The following DYSF variants were observed in gnomAD, a reference collection of about 807,000 sequenced individuals.
DYSF encodes dystrophy-associated fer-1-like 1.
In DYSF, 212 loss-of-function variants were observed where a neutral mutation model predicts 274.9. The observed-to-expected ratio is 0.77, with a 90% CI of 0.69 to 0.86. DYSF has a LOEUF of 0.86. DYSF is among the 40% of genes least tolerant of loss of function. The pLI, the probability that DYSF is intolerant of heterozygous loss-of-function variation, is 0.00. For synonymous variants in DYSF, 1,091 were observed against 1,078.7 expected (o/e 1.01, Z -0.22); for missense variants, 2,666 against 2,783.2 (o/e 0.96, Z 0.95).
intron 22 of DYSF, among the ~76,000 whole-genome samples, chr2:71,560,027 C>T (rs973504088): frequency 6.6e-6 from 1 of 152,344 alleles, no homozygotes; most frequent in East Asian, 1.9e-4. Context: ...CTGAGCCCTG[C>T]GCTGGGCCTA....
At chr2:71,632,909 C>T (rs1461217955) in intron 41 of DYSF, among the ~76,000 whole-genome samples, 1 of 152,208 alleles carries the variant, frequency 6.6e-6, no homozygotes, top group Non-Finnish European at 1.5e-5. Context: ...GGTCCCCTTG[C>T]CATCTGTTTG....
At chr2:71,588,187 G>A (rs1353045261) in intron 30 of DYSF, among the ~76,000 whole-genome samples, 1 of 152,166 alleles carries the variant, frequency 6.6e-6, no homozygotes, top group African/African-American at 2.4e-5. Flanking sequence ...GAAAGCCTTG[G>A]TGTCGGATGG....
chr2:71,484,839 G>A (rs887012708), intron 3 of DYSF, among the ~76,000 whole-genome samples: 4 of 152,194 alleles, frequency 2.6e-5, no homozygotes, highest in Non-Finnish European at 4.4e-5. Flanking sequence ...GTAAGTGAGG[G>A]CCACACGCAG....
intron 17 of DYSF, among the ~76,000 whole-genome samples, chr2:71,541,077 T>TA (rs2089886457): frequency 6.6e-6 from 1 of 152,224 alleles, no homozygotes; most frequent in East Asian, 1.9e-4. Context: ...GTTCCTCTAT[T>TA]ATCTTCAATT....
intron 11 of DYSF, 50 bp from the exon 12 acceptor site, chr2:71,520,739 G>T (rs556534705): frequency 6.4e-7 from 1 of 1,567,786 alleles, no homozygotes; most frequent in South Asian, 1.1e-5. Context: ...TGTGGCCACA[G>T]CCTGGGGTCT....
At chr2:71,613,543 A>T in intron 40 of DYSF, 133 bp downstream of exon 40, 2 of 855,022 alleles carry the variant, frequency 2.3e-6, no homozygotes, top group Non-Finnish European at 3.9e-6. Context: ...CTGCGGTTGG[A>T]CACTGTCCAG....
At chr2:71,485,288 GCTCATAC>G (rs1389705010) in intron 3 of DYSF, among the ~76,000 whole-genome samples, 1 of 152,190 alleles carries the variant, frequency 6.6e-6, no homozygotes, top group Non-Finnish European at 1.5e-5. Flanking sequence ...GGGCATTGTG[GCTCATAC>G]CTGTAATCCC....
chr2:71,494,297 G>T (rs1283328993), intron 3 of DYSF, among the ~76,000 whole-genome samples: 1 of 152,216 alleles, frequency 6.6e-6, no homozygotes, highest in Non-Finnish European at 1.5e-5. Context: ...TCTAAGTGAT[G>T]CTGTGTCTGT....
At chr2:71,608,479 C>T (rs1342134169) in intron 36 of DYSF, among the ~76,000 whole-genome samples, 1 of 152,116 alleles carries the variant, frequency 6.6e-6, no homozygotes, top group African/African-American at 2.4e-5. Context: ...GGGATGCATG[C>T]TGTGGCCTCA....
At chr2:71,605,192 C>G (rs746601640) in intron 36 of DYSF, among the ~76,000 whole-genome samples, 1 of 152,248 alleles carries the variant, frequency 6.6e-6, no homozygotes, top group Non-Finnish European at 1.5e-5. Context: ...TTTCACTCTT[C>G]CTGTTTGCTC....
At chr2:71,617,422 C>T (rs1222164541) in intron 40 of DYSF, among the ~76,000 whole-genome samples, 6 of 152,192 alleles carry the variant, frequency 3.9e-5, no homozygotes, top group Non-Finnish European at 8.8e-5. Context: ...TCCGGGAAGG[C>T]GGCCTCTGAG....
At position 71,668,825 on chromosome 2, in the gene DYSF, C is replaced by T; in HGVS notation, c.5529C>T (p.Thr1843=). The change falls in exon 49 of 56, where the codon ACC becomes ACT. Residue 1843 remains threonine, a synonymous_variant. Transcript: ENST00000410020. The part of the protein sequence containing the change: ...LGRPGPPFNI[T]PRRARRFFLR... ...GGCCTGGACCTCCCTTCAACATCAC[C>T]CCACGGAGAGCCAGAAGGTGACTTG... 6.2e-7 allele frequency: 1 copy of T among 1,613,608 alleles called. No homozygotes were observed. Among genetic ancestry groups the T allele is most frequent in the Non-Finnish European group, 8.5e-7 (1 of 1,179,902 alleles).
intron 16 of DYSF, among the ~76,000 whole-genome samples, chr2:71,537,218 G>GTTT (rs751063098): frequency 0.037 from 1,757 of 46,990 alleles, 80 homozygotes; most frequent in African/African-American, 0.052. Flanking sequence ...TTACTTTCTA[G>GTTT]TTTTGTTTTT....
At chr2:71,568,685 T>C (rs1228900137) in intron 26 of DYSF, among the ~76,000 whole-genome samples, 1 of 152,120 alleles carries the variant, frequency 6.6e-6, no homozygotes, top group African/African-American at 2.4e-5. Flanking sequence ...TCCTGCCTTC[T>C]GAGTAGCTGG....
intron 40 of DYSF, among the ~76,000 whole-genome samples, chr2:71,618,643 GGT>G (rs1221065676): frequency 1.5e-4 from 13 of 87,558 alleles, no homozygotes; most frequent in African/African-American, 2.1e-4. Flanking sequence ...TACAGGAGGT[GGT>G]GTGTGTGGCA....
intron 17 of DYSF, among the ~76,000 whole-genome samples, chr2:71,544,355 T>A (rs1243076810): frequency 6.6e-6 from 1 of 152,108 alleles, no homozygotes; most frequent in Non-Finnish European, 1.5e-5. Flanking sequence ...TACCCAGTGC[T>A]CTTGAAGCTG....
intron 13 of DYSF, among the ~76,000 whole-genome samples, chr2:71,526,930 A>G (rs2087988188): frequency 6.6e-6 from 1 of 152,224 alleles, no homozygotes; most frequent in African/African-American, 2.4e-5. Flanking sequence ...CCCGACTTGC[A>G]ACCATCTCTT....
intron 1 of DYSF, among the ~76,000 whole-genome samples, chr2:71,468,441 T>C (rs2081701160): frequency 6.6e-6 from 1 of 152,202 alleles, no homozygotes; most frequent in Non-Finnish European, 1.5e-5. Flanking sequence ...TACCAGCGCT[T>C]GGAGTGGGTA....
chr2:71,488,253 A>G (rs1408460516), intron 3 of DYSF, among the ~76,000 whole-genome samples: 1 of 152,232 alleles, frequency 6.6e-6, no homozygotes, highest in Non-Finnish European at 1.5e-5. Flanking sequence ...CTCTGTATGC[A>G]AAACATATCA....
Sources: allele counts gnomAD v4.1 joint callset (sites outside exome capture counted in the v4.1 genomes callset), GRCh38; gene constraint gnomAD v4.1.1; transcripts MANE v1.5; gene names NCBI Gene and HGNC (gene_info 2026-07-23, HGNC 2026-07-21).